BICRAL: variants seen among roughly 807,000 people sequenced by gnomAD.
BICRAL encodes BICRA like chromatin remodeling complex associated protein.
A neutral mutation model predicts 91.8 loss-of-function variants in BICRAL; 8 were observed. The ratio of observed to expected loss-of-function variants is 0.09; its 90% CI spans 0.05 to 0.16. The LOEUF is 0.16. Ranked by LOEUF, BICRAL falls within the 10% of genes least tolerant of loss-of-function variation. The pLI is 1.00. For synonymous variants in BICRAL, 445 were observed against 491.1 expected (o/e 0.91, Z 1.24); for missense variants, 1,038 against 1,310.9 (o/e 0.79, Z 3.21).
chr6:42,797,254 G>A (rs1763442378), intron 1 of BICRAL, among the ~76,000 whole-genome samples: 1 of 152,098 alleles, frequency 6.6e-6, no homozygotes, highest in Non-Finnish European at 1.5e-5. Context: ...TTTAGGTTGG[G>A]ATTTTATAAG....
intron 1 of BICRAL, among the ~76,000 whole-genome samples, chr6:42,750,995 C>T (rs1437059873): frequency 3.6e-5 from 5 of 139,516 alleles, no homozygotes; most frequent in African/African-American, 1.3e-4. Flanking sequence ...CTGCACCTAT[C>T]AACCTGTTAT....
intron 6 of BICRAL, among the ~76,000 whole-genome samples, chr6:42,848,480 T>C (rs1765087294): frequency 6.6e-6 from 1 of 152,248 alleles, no homozygotes; most frequent in Non-Finnish European, 1.5e-5. Flanking sequence ...ATTATTTTTG[T>C]TTTCTTTCAA....
chr6:42,769,423 C>G (rs549323336), intron 1 of BICRAL, among the ~76,000 whole-genome samples: 16 of 152,302 alleles, frequency 1.1e-4, no homozygotes, highest in African/African-American at 3.6e-4. Context: ...ATTGGTCACC[C>G]AAACCAACCC....
chr6:42,836,349 A>G (rs1348089518), intron 6 of BICRAL, among the ~76,000 whole-genome samples: 2 of 152,122 alleles, frequency 1.3e-5, no homozygotes, highest in Non-Finnish European at 2.9e-5. Flanking sequence ...TCAGTTATTC[A>G]AAGGTAAAAA....
chr6:42,788,093 G>T (rs1474080766), intron 1 of BICRAL, among the ~76,000 whole-genome samples: 1 of 151,774 alleles, frequency 6.6e-6, no homozygotes, highest in Admixed American at 6.6e-5. Context: ...TATAGAGACA[G>T]GGTCTCCCTA....
Position 42,810,420 on chromosome 6 carries a change from T to A in BICRAL, c.-6+19T>A, listed in dbSNP as rs1247674906. 6.6e-6 allele frequency: 1 copy of A among 152,358 alleles called. No homozygotes were observed. The highest frequency in any genetic ancestry group is 1.5e-5 in the Non-Finnish European group (1 of 68,040). 9.4% of individuals were successfully genotyped at this position (152,358 alleles called of 1,614,324 possible). On this transcript the variant is annotated intron_variant, in intron 2 of 12. Coordinates refer to ENST00000314073, the MANE Select transcript of BICRAL (RefSeq NM_001393499.1). The stretch of plus-strand genomic sequence containing the variant: ...TGCAATGGTAATGAATTGTTGCATG[T>A]CTGTCTTCCAAAAGAAAGTGAGTTC...
At chr6:42,758,033 C>G (rs1762487902) in intron 1 of BICRAL, among the ~76,000 whole-genome samples, 1 of 152,176 alleles carries the variant, frequency 6.6e-6, no homozygotes, top group Non-Finnish European at 1.5e-5. Flanking sequence ...AACGGGGGAT[C>G]AGAGCCAACC....
At position 42,750,877 on chromosome 6, in the gene BICRAL, C is replaced by A. The variant is rs563754164; in HGVS notation, c.-261+3854C>A. Among the ~76,000 whole-genome samples, 383 of 90,728 alleles carry A rather than the reference C, an allele frequency of 4.2e-3. 4 individuals are homozygous for A. The highest frequency in any genetic ancestry group is 0.016 in the African/African-American group (361 of 22,190). The allele number at this position is 90,728 out of a possible 152,430, so 59.5% of individuals were successfully genotyped here. On this transcript the variant is annotated intron_variant, in intron 1 of 14. Transcript: ENST00000614467. Reference sequence around the variant, plus strand: ...ACAGGCGTGAGCCACCGCGCCCGGCCTTTTTTTTTTTTTTTTTTTTTTTTT... The same window carrying A: ...ACAGGCGTGAGCCACCGCGCCCGGCATTTTTTTTTTTTTTTTTTTTTTTTT...
chr6:42,780,292 C>A (rs1424434124), upstream of BICRAL, among the ~76,000 whole-genome samples: 1 of 152,024 alleles, frequency 6.6e-6, no homozygotes, highest in East Asian at 1.9e-4. Context: ...TTACAGTATC[C>A]TTATATATGC....
chr6:42,822,885 C>T (rs768280367), intron 4 of BICRAL, 41 bp downstream of exon 4: 9 of 1,526,998 alleles, frequency 5.9e-6, no homozygotes, highest in Admixed American at 1.7e-5. Flanking sequence ...TATTTTGTTT[C>T]TGCTTTACAG....
chr6:42,753,316 G>A (rs565256179), intron 1 of BICRAL, among the ~76,000 whole-genome samples: 1 of 151,546 alleles, frequency 6.6e-6, no homozygotes, highest in African/African-American at 2.4e-5. Context: ...CTCCTGCCTC[G>A]GCCTTCCAAA....
intron 1 of BICRAL, among the ~76,000 whole-genome samples, chr6:42,783,595 G>T (rs748829937): frequency 1.8e-4 from 28 of 152,190 alleles, no homozygotes; most frequent in Non-Finnish European, 3.2e-4. Flanking sequence ...AGCGGGAGCC[G>T]AGAGCAGGGT....
At chr6:42,778,215 G>T (rs1457062072), upstream of BICRAL, among the ~76,000 whole-genome samples, 1 of 152,170 alleles carries the variant, frequency 6.6e-6, no homozygotes, top group Non-Finnish European at 1.5e-5. Flanking sequence ...TAATTAGACA[G>T]TTGTCCCCTC....
At chr6:42,861,728 G>A (rs1411551338) in intron 11 of BICRAL, among the ~76,000 whole-genome samples, 1 of 152,198 alleles carries the variant, frequency 6.6e-6, no homozygotes. Flanking sequence ...GCCAGGCACA[G>A]TGGCTCACGC....
At chr6:42,779,901 C>G (rs1016925165), upstream of BICRAL, among the ~76,000 whole-genome samples, 1 of 152,046 alleles carries the variant, frequency 6.6e-6, no homozygotes, top group African/African-American at 2.4e-5. Context: ...CAAGCGTGAG[C>G]CACGGCACCC....
At position 42,865,070 on chromosome 6, in the gene BICRAL, T is replaced by G. The variant is rs780955675; in HGVS notation, c.2864T>G (p.Leu955Arg). 6.2e-7 allele frequency: 1 copy of G among 1,614,114 alleles called. No individual in the cohort carries two copies. The highest frequency in any genetic ancestry group is 1.7e-5 in the Admixed American group (1 of 60,016). Residue 955 changes from leucine to arginine, a missense_variant, in exon 13 of 13, where the codon CTG (leucine) becomes CGG (arginine). By Grantham distance (102) the Leu-to-Arg change is moderately radical. Transcript: ENST00000314073. ...TCGGATCATGGTACTGAGAGCAAACTGTCAAGCATCCTAGCAGATTCGCAC... is the reference window on the plus strand; with the variant it reads ...TCGGATCATGGTACTGAGAGCAAACGGTCAAGCATCCTAGCAGATTCGCAC... ...SRSDHGTESK[L>R]SSILADSHLE...
At chr6:42,762,058 G>A (rs1385224730) in intron 1 of BICRAL, among the ~76,000 whole-genome samples, 14 of 152,116 alleles carry the variant, frequency 9.2e-5, no homozygotes, top group Admixed American at 8.5e-4. Context: ...CAGTCACCAC[G>A]ACCTTTTATA....
chr6:42,792,136 AAG>A (rs2113880127), intron 1 of BICRAL, among the ~76,000 whole-genome samples: 1 of 152,304 alleles, frequency 6.6e-6, no homozygotes, highest in East Asian at 1.9e-4. Context: ...TGAGTGGTGA[AAG>A]AATGTGAAGG....
intron 1 of BICRAL, among the ~76,000 whole-genome samples, chr6:42,795,484 C>T (rs1276653023): frequency 6.6e-6 from 1 of 152,108 alleles, no homozygotes; most frequent in Non-Finnish European, 1.5e-5. Context: ...ACCTATTTCA[C>T]ATTGTTTTAT....
Sources: gnomAD v4.1 joint callset for allele counts (sites outside exome capture counted in the v4.1 genomes callset) on GRCh38, gnomAD v4.1.1 for gene constraint, MANE v1.5 for transcripts, NCBI Gene and HGNC (gene_info 2026-07-23, HGNC 2026-07-21) for gene names.